DNM3: variants seen among roughly 807,000 people sequenced by gnomAD.
DNM3 encodes dynamin 3.
In DNM3, 47 loss-of-function variants were observed where a neutral mutation model predicts 101.6. The observed-to-expected ratio is 0.46, with a 90% CI of 0.37 to 0.59. The LOEUF (loss-of-function observed/expected upper bound fraction) is 0.59. Ranked by LOEUF, DNM3 falls within the 20% of genes least tolerant of loss-of-function variation. The pLI is 0.00. For synonymous variants in DNM3, 385 were observed against 387.9 expected (o/e 0.99, Z 0.09); for missense variants, 849 against 1,085.7 (o/e 0.78, Z 3.06).
chr1:172,092,322 G>A (rs531610734), intron 12 of DNM3, among the ~76,000 whole-genome samples: 55 of 152,264 alleles, frequency 3.6e-4, no homozygotes, highest in African/African-American at 1.3e-3. Flanking sequence ...TTTGTGATGC[G>A]GAGCCATGCT....
intron 14 of DNM3, among the ~76,000 whole-genome samples, chr1:172,193,742 C>A (rs1009356607): frequency 6.6e-6 from 1 of 151,728 alleles, no homozygotes; most frequent in African/African-American, 2.4e-5. Flanking sequence ...CTATTTGATT[C>A]TTCTCTCTTT....
At chr1:172,054,943 C>T (rs1178596308) in intron 10 of DNM3, among the ~76,000 whole-genome samples, 1 of 151,954 alleles carries the variant, frequency 6.6e-6, no homozygotes, top group Non-Finnish European at 1.5e-5. Flanking sequence ...CAGGCAACAA[C>T]AGCGAGACTC....
At chr1:172,346,830 G>C (rs1055101352) in intron 17 of DNM3, among the ~76,000 whole-genome samples, 1 of 152,156 alleles carries the variant, frequency 6.6e-6, no homozygotes, top group Non-Finnish European at 1.5e-5. Flanking sequence ...CCTCCATCAT[G>C]GTGGCCAAAT....
chr1:172,162,599 T>C (rs1390602027), intron 14 of DNM3, among the ~76,000 whole-genome samples: 1 of 152,060 alleles, frequency 6.6e-6, no homozygotes, highest in East Asian at 1.9e-4. Flanking sequence ...CTTGCATGCC[T>C]TTTTATACTT....
chr1:171,969,200 A>G (rs777662219), intron 2 of DNM3, among the ~76,000 whole-genome samples: 4 of 152,152 alleles, frequency 2.6e-5, no homozygotes, highest in Non-Finnish European at 4.4e-5. Context: ...AACAAGAGAA[A>G]AGCATAATGA....
At chr1:172,280,705 G>A (rs921149764) in intron 15 of DNM3, among the ~76,000 whole-genome samples, 5 of 152,056 alleles carry the variant, frequency 3.3e-5, no homozygotes, top group African/African-American at 1.2e-4. Context: ...GAAATTCCAG[G>A]CTAGTAATAC....
At chr1:171,906,821 C>T (rs2038875641) in intron 1 of DNM3, among the ~76,000 whole-genome samples, 1 of 152,192 alleles carries the variant, frequency 6.6e-6, no homozygotes, top group South Asian at 2.1e-4. Flanking sequence ...GTTATATAGT[C>T]CTTTCAAAAA....
At chr1:172,383,814 C>T (rs899444764) in intron 18 of DNM3, among the ~76,000 whole-genome samples, 3 of 152,100 alleles carry the variant, frequency 2.0e-5, no homozygotes, top group African/African-American at 7.2e-5. Flanking sequence ...GCAGTAATGC[C>T]TGTTTATCTA....
At chr1:171,927,218 T>C (rs1229059130) in intron 2 of DNM3, among the ~76,000 whole-genome samples, 1 of 152,230 alleles carries the variant, frequency 6.6e-6, no homozygotes, top group East Asian at 1.9e-4. Context: ...ACACTATCAA[T>C]ACACAACAAT....
At chr1:172,382,586 C>A (rs2068969838) in intron 18 of DNM3, among the ~76,000 whole-genome samples, 1 of 152,138 alleles carries the variant, frequency 6.6e-6, no homozygotes, top group South Asian at 2.1e-4. Context: ...CTGATGTTCT[C>A]ACCATTTGAA....
intron 1 of DNM3, among the ~76,000 whole-genome samples, chr1:171,844,244 G>A (rs1283636913): frequency 2.0e-5 from 3 of 152,110 alleles, no homozygotes; most frequent in African/African-American, 7.2e-5. Flanking sequence ...TCATTATCCA[G>A]GAATTTTGCA....
chr1:172,073,210 T>C (rs1216886107), intron 11 of DNM3, among the ~76,000 whole-genome samples: 3 of 151,888 alleles, frequency 2.0e-5, no homozygotes, highest in African/African-American at 7.3e-5. Context: ...CATGTACATA[T>C]ATGTATGTAT....
chr1:172,036,283 A>G (rs2048958339), intron 6 of DNM3, among the ~76,000 whole-genome samples: 1 of 150,320 alleles, frequency 6.7e-6, no homozygotes, highest in South Asian at 2.1e-4. Flanking sequence ...GCGATAGTTT[A>G]CTGAGAATGA....
intron 15 of DNM3, among the ~76,000 whole-genome samples, chr1:172,290,979 G>GT (rs76707969): frequency 0.29 from 43,409 of 151,936 alleles, 6,320 homozygotes; most frequent in African/African-American, 0.32. Flanking sequence ...TGAGGACAGA[G>GT]GGGGAGTGGT....
At chr1:172,181,554 T>C (rs1476695460) in intron 14 of DNM3, among the ~76,000 whole-genome samples, 1 of 152,124 alleles carries the variant, frequency 6.6e-6, no homozygotes, top group Non-Finnish European at 1.5e-5. Context: ...TATGCTTTCC[T>C]TTTTAAATAT....
At chr1:171,869,122 C>A (rs998887863) in intron 1 of DNM3, among the ~76,000 whole-genome samples, 3 of 152,180 alleles carry the variant, frequency 2.0e-5, no homozygotes, top group Non-Finnish European at 4.4e-5. Flanking sequence ...GCTAATTATT[C>A]TTGCATGTGC....
intron 2 of DNM3, among the ~76,000 whole-genome samples, chr1:171,936,894 G>T (rs1045706602): frequency 1.3e-5 from 2 of 152,264 alleles, no homozygotes; most frequent in African/African-American, 2.4e-5. Flanking sequence ...TGGGAGAGGG[G>T]CTCCACAATG....
At chr1:171,863,099 A>T (rs1287640978) in intron 1 of DNM3, among the ~76,000 whole-genome samples, 1 of 148,742 alleles carries the variant, frequency 6.7e-6, no homozygotes, top group Non-Finnish European at 1.5e-5. Flanking sequence ...GCTTTTTTTG[A>T]TGGGAGATAT....
chr1:171,984,881 T>A (rs1460659788), intron 2 of DNM3, among the ~76,000 whole-genome samples: 1 of 152,124 alleles, frequency 6.6e-6, no homozygotes, highest in Non-Finnish European at 1.5e-5. Context: ...GACCAAGGGG[T>A]TGACAAAATA....
Sources: gnomAD v4.1 joint callset for allele counts (sites outside exome capture counted in the v4.1 genomes callset) on GRCh38, gnomAD v4.1.1 for gene constraint, MANE v1.5 for transcripts, NCBI Gene and HGNC (gene_info 2026-07-23, HGNC 2026-07-21) for gene names.